The following MFSD6 variants were observed in gnomAD, a reference collection of about 807,000 sequenced individuals.
MFSD6 encodes major facilitator superfamily domain-containing protein 6.
MFSD6 carries 26 observed loss-of-function variants against 56.3 expected under a neutral mutation model. The ratio of observed to expected loss-of-function variants is 0.46; its 90% CI spans 0.34 to 0.64. The LOEUF (loss-of-function observed/expected upper bound fraction) is 0.64. Among genes scored for constraint, MFSD6 ranks in the 30% least tolerant of loss-of-function variants. The pLI is 0.01. For synonymous variants in MFSD6, 331 were observed against 366.9 expected, an observed-to-expected ratio of 0.90 and a Z score of 1.12; for missense variants, 750 against 986.2, an observed-to-expected ratio of 0.76 and a Z score of 3.21.
rs539574234 is a variant in MFSD6 at position 190,425,472 on chromosome 2, G to A, written c.-54+10059G>A. Among the ~76,000 whole-genome samples the A allele has an allele frequency of 2.4e-4, 36 of 152,268 alleles. 1 individual carries two copies. The highest frequency in any genetic ancestry group is 1.5e-3 in the South Asian group (7 of 4,820). On this transcript the variant is annotated intron_variant, in intron 2 of 7. Transcript: ENST00000392328. The surrounding 1 kb of genome is among the most constrained non-coding windows in gnomAD (Gnocchi z 4.3). ...AGTGCAGTGTTACCCATGGGTTTCC[G>A]TAGGTGATCTTTATCAAATTGAGAA...
chr2:190,436,774 C>A lies in MFSD6; in HGVS notation c.745C>A (p.Pro249Thr). 1 of 1,614,172 alleles carries A rather than the reference C, an allele frequency of 6.2e-7. No individual in the cohort carries two copies. The highest frequency in any genetic ancestry group is 8.5e-7 in the Non-Finnish European group (1 of 1,180,028). ...GACTTTGAACTCAAGCACAGCAACC[C>A]CTGTCTCCCCAGGAAGCGTAACCAA... ...DLTLNSSTAT[P>T]VSPGSVTKET... Residue 249 changes from proline to threonine, a missense_variant, in exon 3 of 8, where the codon CCT becomes ACT. Physicochemically the swap from Pro to Thr is conservative, Grantham distance 38. This residue lies in a region of MFSD6 where 376 missense variants were observed against 437.9 expected (regional missense o/e 0.86). Coordinates refer to ENST00000392328, the MANE Select transcript of MFSD6 (RefSeq NM_017694.4). This position sits in a 1 kb window ranked among gnomAD's most constrained non-coding sequence, Gnocchi z 5.3.
rs928129901 is a variant in MFSD6, at chr2:190,416,171, C to A, written c.-54+758C>A. On this transcript the variant is annotated intron_variant, in intron 2 of 7. Coordinates refer to ENST00000392328, the MANE Select transcript of MFSD6 (RefSeq NM_017694.4). This position sits in a 1 kb window ranked among gnomAD's most constrained non-coding sequence, Gnocchi z 4.1. The stretch of plus-strand genomic sequence containing the variant: ...TGATGGCTGATAAGGTCTGAGGAAC[C>A]TAAATTATAAATTTTTAATTGACAT... Among the ~76,000 whole-genome samples the A allele has an allele frequency of 6.6e-6, 1 of 152,138 alleles. No homozygotes were observed. The highest frequency in any genetic ancestry group is 1.5e-5 in the Non-Finnish European group (1 of 68,026).
At chr2:190,472,017 G>T (rs1489265798) in intron 4 of MFSD6, among the ~76,000 whole-genome samples, 1 of 152,210 alleles carries the variant, frequency 6.6e-6, no homozygotes, top group Non-Finnish European at 1.5e-5. Context: ...CAACAGACCT[G>T]CAGCTGAGGC....
chr2:190,430,322 C>T (rs923919440), intron 2 of MFSD6, among the ~76,000 whole-genome samples: 2 of 150,230 alleles, frequency 1.3e-5, no homozygotes, highest in African/African-American at 4.9e-5. Context: ...GAACAAAGAT[C>T]TCTGGTTTTC....
rs758962733 is a variant in MFSD6 at position 190,467,172 on chromosome 2, C to T, written c.1533-2586C>T. ...TGGGGACAGCTTGGAATGAGTTAGA[C>T]CACTGGTTCTCCACCCTGGCTCAGT... is the stretch of plus-strand genomic sequence containing the variant. On this transcript the variant is annotated intron_variant, in intron 3 of 7. Transcript: ENST00000392328. The surrounding 1 kb of genome is among the most constrained non-coding windows in gnomAD (Gnocchi z 5.5). 7.2e-5 allele frequency among the ~76,000 whole-genome samples: 11 copies of T among 152,196 alleles called. No homozygotes were observed. Among genetic ancestry groups the T allele is most frequent in the African/African-American group, 2.7e-4 (11 of 41,442 alleles).
Position 190,410,925 on chromosome 2 carries a change from G to T in MFSD6, c.-176+2422G>T, listed in dbSNP as rs1005694868. On this transcript the variant is annotated intron_variant, in intron 1 of 7. Coordinates refer to ENST00000392328, the MANE Select transcript of MFSD6 (RefSeq NM_017694.4). This position sits in a 1 kb window ranked among gnomAD's most constrained non-coding sequence, Gnocchi z 4.4. ...ACAAAAATTAGCTGAGCGTGGTGGC[G>T]GGCGCCTGGAATCCCAGCTACTCAG... Among the ~76,000 whole-genome samples, 2 of 151,612 alleles carry T rather than the reference G, an allele frequency of 1.3e-5. No homozygotes were observed. The highest frequency in any genetic ancestry group is 2.9e-5 in the Non-Finnish European group (2 of 67,926).
In MFSD6 at chr2:190,426,989, G is replaced by A. The variant is rs913404405; in HGVS notation, c.-53-8988G>A. Among the ~76,000 whole-genome samples, 2 of 152,226 alleles carry A rather than the reference G, an allele frequency of 1.3e-5. No individual in the cohort carries two copies. Among genetic ancestry groups the A allele is most frequent in the Non-Finnish European group, 2.9e-5 (2 of 68,046 alleles). The stretch of plus-strand genomic sequence containing the variant: ...TGAAGGTGAAAGACTTTTCATTACT[G>A]TGAAGTGGAGATGGGCATTTCAGCT... On this transcript the variant is annotated intron_variant, in intron 2 of 7. Transcript: ENST00000392328. The surrounding 1 kb of genome is among the most constrained non-coding windows in gnomAD (Gnocchi z 4.7).
intron 4 of MFSD6, among the ~76,000 whole-genome samples, chr2:190,475,221 C>T (rs2125171457): frequency 1.3e-5 from 2 of 152,190 alleles, no homozygotes; most frequent in Admixed American, 6.5e-5. Context: ...CCAGGGCAAT[C>T]AGGCAGGAGA....
chr2:190,484,600 G>A (rs1200420660), intron 4 of MFSD6, among the ~76,000 whole-genome samples: 3 of 152,092 alleles, frequency 2.0e-5, no homozygotes, highest in South Asian at 2.1e-4. Context: ...CACAAATGTA[G>A]TAAAAACATT....
Position 190,467,095 on chromosome 2 carries a change from G to C in MFSD6, c.1533-2663G>C, listed in dbSNP as rs1232376262. The stretch of plus-strand genomic sequence containing the variant: ...CAGGATAGACAATTTGTGAACACTA[G>C]GAAAGTGGATTACCAACATTGTTTT... On this transcript the variant is annotated intron_variant, in intron 3 of 7. Transcript: ENST00000392328. The surrounding 1 kb of genome is among the most constrained non-coding windows in gnomAD (Gnocchi z 5.5). Among the ~76,000 whole-genome samples the C allele has an allele frequency of 1.3e-5, 2 of 152,190 alleles. No homozygotes were observed. The highest frequency in any genetic ancestry group is 1.3e-4 in the Admixed American group (2 of 15,284).
At position 190,459,455 on chromosome 2, in the gene MFSD6, A is replaced by G. The variant is rs184450723; in HGVS notation, c.1533-10303A>G. On this transcript the variant is annotated intron_variant, in intron 3 of 7. Transcript: ENST00000392328. The surrounding 1 kb of genome is among the most constrained non-coding windows in gnomAD (Gnocchi z 5.3). Reference sequence around the variant, plus strand: ...TATACCTTAAGCCATATCCTAGGAAATTTTTAAACAAAATTGTAGGGGGTG... The same window carrying G: ...TATACCTTAAGCCATATCCTAGGAAGTTTTTAAACAAAATTGTAGGGGGTG... Among the ~76,000 whole-genome samples, 4 of 152,332 alleles carry G rather than the reference A, an allele frequency of 2.6e-5. No individual in the cohort carries two copies. Among genetic ancestry groups the G allele is most frequent in the Admixed American group, 6.5e-5 (1 of 15,296 alleles).
chr2:190,415,374 G>A lies in MFSD6; in HGVS notation c.-93G>A, dbSNP rs1164465642. ...CAGCCTTGAACCCCTGGGCTCAAGT[G>A]ATTCTCCTGCCTTGGCCTCCTGAAT... On this transcript the variant is annotated 5_prime_UTR_variant, in exon 2 of 8. Coordinates refer to ENST00000392328, the MANE Select transcript of MFSD6 (RefSeq NM_017694.4). The surrounding 1 kb of genome is among the most constrained non-coding windows in gnomAD (Gnocchi z 4.5). 6.6e-6 allele frequency: 1 copy of A among 152,118 alleles called. No individual in the cohort carries two copies. Among genetic ancestry groups the A allele is most frequent in the Non-Finnish European group, 1.5e-5 (1 of 68,028 alleles). The allele number at this position is 152,118 out of a possible 1,614,324, so 9.4% of individuals were successfully genotyped here.
At chr2:190,441,993 G>T (rs1686396796) in intron 3 of MFSD6, among the ~76,000 whole-genome samples, 1 of 152,064 alleles carries the variant, frequency 6.6e-6, no homozygotes, top group Non-Finnish European at 1.5e-5. Flanking sequence ...ACTCCTGATG[G>T]CAATTGATAC....
At chr2:190,452,463 TATGTCCATTTTAGAG>T (rs1559119236) in intron 3 of MFSD6, among the ~76,000 whole-genome samples, 1 of 152,222 alleles carries the variant, frequency 6.6e-6, no homozygotes, top group African/African-American at 2.4e-5. Flanking sequence ...TAGGCATTGT[TATGTCCATTTTAGAG>T]ATGAGAATTG....
rs1686213525 is a variant in MFSD6 at position 190,437,320 on chromosome 2, C to T, written c.1291C>T (p.Gln431Ter). 1 of 1,614,142 alleles carries T rather than the reference C, an allele frequency of 6.2e-7. No individual in the cohort carries two copies. The highest frequency in any genetic ancestry group is 1.3e-5 in the African/African-American group (1 of 74,942). The stretch of plus-strand genomic sequence containing the variant: ...GACACCAACCACCACAAGCCACTCG[C>T]AGGCCTTCAACTTTTGGGACTTAAT... ...EETPTTTSHSQAFNFWDLIKL... is the reference protein window; with the variant it reads ...EETPTTTSHS The change falls in exon 3 of 8, where the codon CAG becomes TAG. Residue 431 changes from glutamine to a stop codon, truncating the protein, a stop_gained. Coordinates refer to ENST00000392328, the MANE Select transcript of MFSD6 (RefSeq NM_017694.4). LOFTEE classifies it high-confidence loss of function. This position sits in a 1 kb window ranked among gnomAD's most constrained non-coding sequence, Gnocchi z 5.9.
chr2:190,436,628 A>G lies in MFSD6; in HGVS notation c.599A>G (p.Asn200Ser). 6.2e-7 allele frequency: 1 copy of G among 1,614,186 alleles called. No individual in the cohort carries two copies. Among genetic ancestry groups the G allele is most frequent in the African/African-American group, 1.3e-5 (1 of 75,050 alleles). The change falls in exon 3 of 8, where the codon AAC becomes AGC. Residue 200 changes from asparagine to serine, a missense_variant. Asn to Ser is a conservative substitution (Grantham distance 46, BLOSUM62 1). This residue lies in a region of MFSD6 where 376 missense variants were observed against 437.9 expected (regional missense o/e 0.86). Transcript: ENST00000392328. The surrounding 1 kb of genome is among the most constrained non-coding windows in gnomAD (Gnocchi z 5.3). Reference protein sequence around the residue: ...TISPKMREKRNLLETRLNVSD... With the variant: ...TISPKMREKRSLLETRLNVSD... Reference sequence around the variant, plus strand: ...TCACCAAAAATGCGTGAGAAAAGAAACCTTTTGGAAACAAGGCTCAATGTC... The same window carrying G: ...TCACCAAAAATGCGTGAGAAAAGAAGCCTTTTGGAAACAAGGCTCAATGTC...
chr2:190,484,209 C>T (rs1334816183), intron 4 of MFSD6, among the ~76,000 whole-genome samples: 1 of 152,166 alleles, frequency 6.6e-6, no homozygotes, highest in Non-Finnish European at 1.5e-5. Context: ...GCCCTTGTTA[C>T]TGTTGTCAGT....
rs1359015402 is a variant in MFSD6 at position 190,471,442 on chromosome 2, T to C, written c.1630+1587T>C. On this transcript the variant is annotated intron_variant, in intron 4 of 7. Transcript: ENST00000392328. This position sits in a 1 kb window ranked among gnomAD's most constrained non-coding sequence, Gnocchi z 4.7. ...TAGCAAACGGCACACTAGGAGATTA[T>C]ATCCCGCACCTGGCTTGGAGGGTCC... 6.6e-6 allele frequency among the ~76,000 whole-genome samples: 1 copy of C among 152,212 alleles called. No homozygotes were observed. Among genetic ancestry groups the C allele is most frequent in the Non-Finnish European group, 1.5e-5 (1 of 68,034 alleles).
At chr2:190,478,547 CT>C (rs1688476188) in intron 4 of MFSD6, among the ~76,000 whole-genome samples, 1 of 152,188 alleles carries the variant, frequency 6.6e-6, no homozygotes, top group African/African-American at 2.4e-5. Flanking sequence ...GTCCAAATGG[CT>C]TTAAAGTCCG....
Sources: gnomAD v4.1 joint callset for allele counts (sites outside exome capture counted in the v4.1 genomes callset) on GRCh38, gnomAD v4.1.1 for gene constraint, gnomAD v4.1.1 regional missense constraint, Gnocchi (gnomAD v3.1) non-coding constraint, MANE v1.5 for transcripts, NCBI Gene and HGNC (gene_info 2026-07-23, HGNC 2026-07-21) for gene names.